The following ATXN1 variants were observed in gnomAD, a reference collection of about 807,000 sequenced individuals.
The protein encoded by ATXN1 is ataxin-1.
A neutral mutation model predicts 56.4 loss-of-function variants in ATXN1; 8 were observed. The observed-to-expected ratio is 0.14, with a 90% CI of 0.08 to 0.26. ATXN1 has a LOEUF of 0.26. Among genes scored for constraint, ATXN1 ranks in the 10% least tolerant of loss-of-function variants. The pLI, the probability that ATXN1 is intolerant of heterozygous loss-of-function variation, is 1.00. For synonymous variants in ATXN1, 514 were observed against 494.6 expected (o/e 1.04, Z -0.52); for missense variants, 987 against 1,106.5 (o/e 0.89, Z 1.53).
chr6:16,595,641 A>G (rs908055510), intron 3 of ATXN1, among the ~76,000 whole-genome samples: 2 of 152,256 alleles, frequency 1.3e-5, no homozygotes, highest in African/African-American at 2.4e-5. Context: ...CTTACTGGTT[A>G]ACTACAAAAA....
chr6:16,425,631 G>A (rs113277942), intron 6 of ATXN1, among the ~76,000 whole-genome samples: 3,671 of 152,300 alleles, frequency 0.024, 53 homozygotes, highest in Middle Eastern at 0.051. Flanking sequence ...TATCTTGTAA[G>A]TAACAAAGAG....
At chr6:16,493,807 C>T (rs1043307844) in intron 5 of ATXN1, among the ~76,000 whole-genome samples, 1 of 152,188 alleles carries the variant, frequency 6.6e-6, no homozygotes, top group African/African-American at 2.4e-5. Context: ...GGAGAAAAAT[C>T]ATCACATAAG....
chr6:16,325,923 G>A (rs1248615484), intron 7 of ATXN1, among the ~76,000 whole-genome samples: 1 of 152,090 alleles, frequency 6.6e-6, no homozygotes, highest in South Asian at 2.1e-4. Flanking sequence ...ATATACCACT[G>A]TACCCAGCTA....
intron 2 of ATXN1, among the ~76,000 whole-genome samples, chr6:16,675,703 A>T (rs1220503315): frequency 1.3e-5 from 2 of 152,046 alleles, no homozygotes; most frequent in Non-Finnish European, 2.9e-5. Context: ...TGACATGGTG[A>T]AGCCCCATCT....
chr6:16,442,376 A>G (rs1759535937), intron 6 of ATXN1, among the ~76,000 whole-genome samples: 1 of 152,340 alleles, frequency 6.6e-6, no homozygotes, highest in Admixed American at 6.5e-5. Context: ...CATTTAACAC[A>G]TAATCAGCTG....
Position 16,529,507 on chromosome 6 carries a change from T to C in ATXN1, c.-360-6819A>G, listed in dbSNP as rs973834464. Among the ~76,000 whole-genome samples, 11 of 152,284 alleles carry C rather than the reference T, an allele frequency of 7.2e-5. 1 individual carries two copies. The highest frequency in any genetic ancestry group is 2.2e-4 in the African/African-American group (9 of 41,548). The stretch of plus-strand genomic sequence containing the variant: ...ACTTTAGTTATCAAAGTGTGGCAGA[T>C]TGAACACCCGCTCATCTGACCTAAG... On this transcript the variant is annotated intron_variant, in intron 4 of 7. Transcript: ENST00000436367.
chr6:16,578,508 C>G (rs1762466125), intron 4 of ATXN1, among the ~76,000 whole-genome samples: 1 of 152,192 alleles, frequency 6.6e-6, no homozygotes, highest in Admixed American at 6.5e-5. Flanking sequence ...CTGTTATTCC[C>G]AAGATCCTGG....
intron 6 of ATXN1, among the ~76,000 whole-genome samples, chr6:16,411,389 A>C (rs1390954629): frequency 6.6e-6 from 1 of 152,146 alleles, no homozygotes; most frequent in African/African-American, 2.4e-5. Flanking sequence ...TCTGTAGTAC[A>C]TTAGTAAGTA....
At chr6:16,443,401 C>T (rs761630410) in intron 6 of ATXN1, among the ~76,000 whole-genome samples, 1 of 151,844 alleles carries the variant, frequency 6.6e-6, no homozygotes, top group Non-Finnish European at 1.5e-5. Flanking sequence ...AATTATTGAA[C>T]AAGAATCACT....
intron 6 of ATXN1, among the ~76,000 whole-genome samples, chr6:16,418,382 C>T (rs1758959655): frequency 6.6e-6 from 1 of 152,100 alleles, no homozygotes; most frequent in Non-Finnish European, 1.5e-5. Flanking sequence ...TTTCCTTAAG[C>T]ACATCAACTC....
chr6:16,312,309 C>G (rs1760411264), intron 7 of ATXN1, among the ~76,000 whole-genome samples: 1 of 152,098 alleles, frequency 6.6e-6, no homozygotes, highest in South Asian at 2.1e-4. Flanking sequence ...TTCCGCATCT[C>G]AAAACTCCAA....
At chr6:16,459,902 G>A (rs905558199) in intron 6 of ATXN1, among the ~76,000 whole-genome samples, 1 of 152,166 alleles carries the variant, frequency 6.6e-6, no homozygotes, top group Non-Finnish European at 1.5e-5. Flanking sequence ...AAGGGTACAA[G>A]GCATCTAAAT....
At position 16,621,425 on chromosome 6, in the gene ATXN1, C is replaced by T. The variant is rs148173611; in HGVS notation, c.-488-35518G>A. Among the ~76,000 whole-genome samples the T allele has an allele frequency of 4.6e-5, 7 of 152,300 alleles. No homozygotes were observed. The East Asian group carries it at 1.4e-3, about 29-fold the overall frequency. On this transcript the variant is annotated intron_variant, in intron 3 of 7. Coordinates refer to ENST00000436367, the MANE Select transcript of ATXN1 (RefSeq NM_001128164.2). ...CAACTATTTATCAAAAAGGTGCATA[C>T]AGAGAATTAAACAAGGCCAGGCCCG...
chr6:16,646,909 C>T (rs1413505634), intron 3 of ATXN1, among the ~76,000 whole-genome samples: 5 of 152,192 alleles, frequency 3.3e-5, no homozygotes, highest in South Asian at 2.1e-4. Flanking sequence ...GAGTAACTAA[C>T]GAAATTCCAT....
At position 16,747,408 on chromosome 6, in the gene ATXN1, G is replaced by A. The variant is rs955791484; in HGVS notation, c.-615+5825C>T. Among the ~76,000 whole-genome samples the A allele has an allele frequency of 5.3e-5, 8 of 152,032 alleles. No individual in the cohort carries two copies. In the South Asian group the frequency reaches 1.0e-3, roughly 20 times the overall value. ...AAGTAACTCATCAGAAAATAAAGAG[G>A]GAATTACCAAAGGGGAATTGCCAAG... On this transcript the variant is annotated intron_variant, in intron 2 of 7. Transcript: ENST00000436367.
chr6:16,427,293 A>C (rs723754), intron 6 of ATXN1, among the ~76,000 whole-genome samples: 6 of 152,122 alleles, frequency 3.9e-5, no homozygotes, highest in African/African-American at 1.4e-4. Flanking sequence ...AGCATTCCTC[A>C]CTTCTACTCA....
chr6:16,429,618 A>T (rs1020254801), intron 6 of ATXN1, among the ~76,000 whole-genome samples: 2 of 151,910 alleles, frequency 1.3e-5, no homozygotes, highest in African/African-American at 2.4e-5. Context: ...GGGTTTTGCC[A>T]TGTTGGCCAG....
At chr6:16,663,210 C>A (rs1230456150) in intron 2 of ATXN1, among the ~76,000 whole-genome samples, 1 of 151,972 alleles carries the variant, frequency 6.6e-6, no homozygotes, top group Admixed American at 6.5e-5. Flanking sequence ...CTCAGGTGAT[C>A]CACCCACCTC....
chr6:16,525,739 T>C (rs1761379863), intron 4 of ATXN1, among the ~76,000 whole-genome samples: 1 of 152,038 alleles, frequency 6.6e-6, no homozygotes, highest in African/African-American at 2.4e-5. Context: ...TGTGTTTATT[T>C]TACATGTCTG....
Sources: gnomAD v4.1 joint callset for allele counts (sites outside exome capture counted in the v4.1 genomes callset) on GRCh38, gnomAD v4.1.1 for gene constraint, MANE v1.5 for transcripts, NCBI Gene and HGNC (gene_info 2026-07-23, HGNC 2026-07-21) for gene names.